Variants in PDE1A observed in about 807,000 individuals in gnomAD.
PDE1A encodes dual specificity calcium/calmodulin-dependent 3',5'-cyclic nucleotide phosphodiesterase 1A.
In PDE1A, 35 loss-of-function variants were observed where a neutral mutation model predicts 61.7. That is an observed-to-expected ratio of 0.57 (90% CI 0.43 to 0.75). The LOEUF (loss-of-function observed/expected upper bound fraction) is 0.75. PDE1A is among the 30% of genes least tolerant of loss of function. The pLI is 0.00. For synonymous variants in PDE1A, 232 were observed against 213.2 expected, an observed-to-expected ratio of 1.09 and a Z score of -0.77; for missense variants, 597 against 630.6, an observed-to-expected ratio of 0.95 and a Z score of 0.57.
chr2:182,621,368 T>G, the PDE1A span, among the ~76,000 whole-genome samples: 1 of 152,174 alleles, frequency 6.6e-6, no homozygotes, highest in Non-Finnish European at 1.5e-5. Context: ...TATCAAATGT[T>G]TTTGCTTCAA....
the PDE1A span, among the ~76,000 whole-genome samples, chr2:182,678,866 C>T: frequency 6.6e-6 from 1 of 152,104 alleles, no homozygotes; most frequent in Non-Finnish European, 1.5e-5. Flanking sequence ...AAGATGATTA[C>T]TTTCTAATGT....
At chr2:182,572,611 G>A in the PDE1A span, among the ~76,000 whole-genome samples, 1 of 152,156 alleles carries the variant, frequency 6.6e-6, no homozygotes, top group African/African-American at 2.4e-5. Flanking sequence ...GGCCAGGCGC[G>A]GTGGCTCACG....
chr2:182,311,754 A>G (rs1437049790), intron 1 of PDE1A, among the ~76,000 whole-genome samples: 2 of 152,274 alleles, frequency 1.3e-5, no homozygotes, highest in Admixed American at 1.3e-4. Context: ...GTAAGTCTAC[A>G]TATCTTGTAT....
chr2:182,405,009 A>G (rs1702223275), intron 1 of PDE1A, among the ~76,000 whole-genome samples: 1 of 152,258 alleles, frequency 6.6e-6, no homozygotes, highest in African/African-American at 2.4e-5. Context: ...CTACTTTTAT[A>G]CAACTGGCAG....
intron 1 of PDE1A, among the ~76,000 whole-genome samples, chr2:182,318,559 G>A (rs1696495920): frequency 6.6e-6 from 1 of 152,144 alleles, no homozygotes; most frequent in African/African-American, 2.4e-5. Flanking sequence ...AAAATTAAAT[G>A]CTGCAATAGT....
At chr2:182,279,677 T>C (rs1693673650) in intron 1 of PDE1A, among the ~76,000 whole-genome samples, 1 of 151,906 alleles carries the variant, frequency 6.6e-6, no homozygotes, top group African/African-American at 2.4e-5. Context: ...ATGGACAAAA[T>C]TAAATGGCAT....
At chr2:182,247,701 C>G (rs2623418) in intron 2 of PDE1A, among the ~76,000 whole-genome samples, 108,856 of 151,664 alleles carry the variant, frequency 0.72, 39,612 homozygotes, top group African/African-American at 0.84. Context: ...ACTTTTTCAC[C>G]GGCAGATAAT....
At chr2:182,659,010 C>T in the PDE1A span, among the ~76,000 whole-genome samples, 1 of 152,124 alleles carries the variant, frequency 6.6e-6, no homozygotes, top group Non-Finnish European at 1.5e-5. Context: ...TCATTTCTTA[C>T]TACACTCTTT....
intron 1 of PDE1A, among the ~76,000 whole-genome samples, chr2:182,425,276 C>T (rs573468633): frequency 6.6e-6 from 1 of 152,282 alleles, no homozygotes; most frequent in East Asian, 1.9e-4. Context: ...ATCTGGGCAA[C>T]TATCATACCT....
chr2:182,628,983 G>A, the PDE1A span, among the ~76,000 whole-genome samples: 3 of 152,118 alleles, frequency 2.0e-5, no homozygotes, highest in African/African-American at 4.8e-5. Context: ...TTAGCAGCAG[G>A]AGATCTCCTG....
the PDE1A span, among the ~76,000 whole-genome samples, chr2:182,680,327 C>T: frequency 6.6e-6 from 1 of 151,928 alleles, no homozygotes; most frequent in African/African-American, 2.4e-5. Flanking sequence ...CCTCCCACCT[C>T]AGCTTCCCAA....
chr2:182,222,565 C>T (rs965980177), intron 7 of PDE1A, among the ~76,000 whole-genome samples: 17 of 151,892 alleles, frequency 1.1e-4, no homozygotes, highest in South Asian at 4.1e-4. Context: ...AACAATGTAT[C>T]GATACTGGTT....
chr2:182,391,455 G>T (rs1156814397), intron 1 of PDE1A, among the ~76,000 whole-genome samples: 1 of 152,204 alleles, frequency 6.6e-6, no homozygotes, highest in Non-Finnish European at 1.5e-5. Flanking sequence ...GGCTTAGGGA[G>T]ATTGAAAGGC....
chr2:182,257,327 G>C (rs1265504869), intron 2 of PDE1A, among the ~76,000 whole-genome samples: 1 of 152,084 alleles, frequency 6.6e-6, no homozygotes, highest in Non-Finnish European at 1.5e-5. Flanking sequence ...CTTAATAGTT[G>C]AAAGTGAAAA....
intron 1 of PDE1A, among the ~76,000 whole-genome samples, chr2:182,394,701 G>C (rs528848141): frequency 6.6e-6 from 1 of 152,240 alleles, no homozygotes; most frequent in Admixed American, 6.5e-5. Context: ...ATGCATTCCT[G>C]GACTCATCTT....
the PDE1A span, among the ~76,000 whole-genome samples, chr2:182,646,276 T>C: frequency 0.1 from 15,782 of 150,836 alleles, 931 homozygotes; most frequent in Middle Eastern, 0.16. Flanking sequence ...GGTGAAACCC[T>C]GTCTTTACTA....
chr2:182,509,680 A>T (rs61351360), intron 2 of PDE1A, among the ~76,000 whole-genome samples: 11,544 of 152,262 alleles, frequency 0.076, 487 homozygotes, highest in African/African-American at 0.11. Context: ...TCAGAAAGTA[A>T]CAGGCAGAAA....
At chr2:182,561,982 T>C in the PDE1A span, among the ~76,000 whole-genome samples, 2 of 152,006 alleles carry the variant, frequency 1.3e-5, no homozygotes, top group Admixed American at 6.6e-5. Flanking sequence ...TTTCTAGATA[T>C]ACAATCATGT....
At chr2:182,140,682 G>A (rs756453359) in exon 15 of PDE1A, 11 of 152,130 alleles carry the variant, frequency 7.2e-5, no homozygotes, top group Non-Finnish European at 1.5e-4. Context: ...GGACATTCAC[G>A]GTGCAACAGC....
Sources: allele counts gnomAD v4.1 joint callset (sites outside exome capture counted in the v4.1 genomes callset), GRCh38; gene constraint gnomAD v4.1.1; transcripts MANE v1.5; gene names NCBI Gene and HGNC (gene_info 2026-07-23, HGNC 2026-07-21).